SERPINB5: variants seen among roughly 807,000 people sequenced by gnomAD.
SERPINB5 encodes serpin B5.
A neutral mutation model predicts 32.2 loss-of-function variants in SERPINB5; 27 were observed. That is an observed-to-expected ratio of 0.84 (90% confidence interval 0.62 to 1.16). SERPINB5 has a LOEUF of 1.16. Ranked by LOEUF, SERPINB5 falls within the 50% of genes most tolerant of loss-of-function variation. The pLI is 0.00. For synonymous variants in SERPINB5, 154 were observed against 157.4 expected (o/e 0.98, Z 0.16); for missense variants, 388 against 436.3 (o/e 0.89, Z 0.99).
At chr18:63,491,408 A>ACTCC (rs757436524) in intron 4 of SERPINB5, among the ~76,000 whole-genome samples, 1 of 107,792 alleles carries the variant, frequency 9.3e-6, no homozygotes, top group Non-Finnish European at 1.9e-5. Flanking sequence ...GTCTCCCAAA[A>ACTCC]AAAAAAAAAA....
At position 63,499,110 on chromosome 18, in the gene SERPINB5, C is replaced by A; in HGVS notation, c.568-10C>A. On this transcript the variant is annotated splice_polypyrimidine_tract_variant and intron_variant, in intron 5 of 6. Coordinates refer to ENST00000382771, the MANE Select transcript of SERPINB5 (RefSeq NM_002639.5). ...TGAAAAGTAAGCAGTCCAAATTTTC[C>A]CTTTTACAGACAGACACCAAACCAG... is the stretch of plus-strand genomic sequence containing the variant. The A allele has an allele frequency of 7.0e-7, 1 of 1,431,750 alleles. No homozygotes were observed. The highest frequency in any genetic ancestry group is 9.2e-7 in the Non-Finnish European group (1 of 1,083,690). The allele number at this position is 1,431,750 out of a possible 1,614,324, so 88.7% of individuals were successfully genotyped here.
At chr18:63,489,833 G>A (rs1014548544) in intron 4 of SERPINB5, among the ~76,000 whole-genome samples, 7 of 152,134 alleles carry the variant, frequency 4.6e-5, no homozygotes, top group African/African-American at 9.7e-5. Context: ...CATGATCCCC[G>A]AGGCCCCTTT....
At chr18:63,485,728 C>G (rs923357621) in intron 2 of SERPINB5, 7 of 152,454 alleles carry the variant, frequency 4.6e-5, no homozygotes, top group African/African-American at 1.7e-4. Context: ...ACTGGTTCCC[C>G]AGCAGTAGTT....
At chr18:63,501,259 GTTC>G (rs927502792) in intron 6 of SERPINB5, among the ~76,000 whole-genome samples, 13 of 145,026 alleles carry the variant, frequency 9.0e-5, no homozygotes, top group Non-Finnish European at 1.5e-5. Context: ...TGTTCTCATG[GTTC>G]AATTCCCACC....
chr18:63,493,516 C>T (rs1014444181), intron 5 of SERPINB5: 5 of 352,274 alleles, frequency 1.4e-5, no homozygotes, highest in East Asian at 4.9e-5. Flanking sequence ...ATTTCCTTAT[C>T]GGTTGATAGC....
At chr18:63,495,851 A>C (rs4941203) in intron 5 of SERPINB5, among the ~76,000 whole-genome samples, 82,743 of 152,022 alleles carry the variant, frequency 0.54, 23,080 homozygotes, top group Non-Finnish European at 0.62. Context: ...GCATGAGGCT[A>C]CACCCTTCTT....
intron 1 of SERPINB5, 153 bp downstream of exon 1, chr18:63,477,198 C>G (rs1324420575): frequency 6.6e-6 from 1 of 152,058 alleles, no homozygotes; most frequent in Non-Finnish European, 1.5e-5. Flanking sequence ...TGAGTACTGT[C>G]GCCTCTCATC....
At chr18:63,493,151 A>G (rs1447488851) in intron 5 of SERPINB5, 56 bp downstream of exon 5, 7 of 1,610,864 alleles carry the variant, frequency 4.3e-6, no homozygotes, top group African/African-American at 1.3e-5. Flanking sequence ...GTGAAAAATG[A>G]TAGGGACAGA....
chr18:63,487,140 A>T, intron 3 of SERPINB5, 57 bp downstream of exon 3: 1 of 1,564,676 alleles, frequency 6.4e-7, no homozygotes, highest in South Asian at 1.2e-5. Context: ...TGGCATTTTC[A>T]TGCTGTTAGA....
intron 5 of SERPINB5, among the ~76,000 whole-genome samples, chr18:63,494,464 G>C (rs749952800): frequency 5.3e-5 from 8 of 152,104 alleles, no homozygotes; most frequent in Admixed American, 2.6e-4. Context: ...TCCGTGGGTG[G>C]GATCTGACTT....
Position 63,503,509 on chromosome 18 carries a change from T to C in SERPINB5, c.915T>C (p.Ser305=). The C allele has an allele frequency of 6.2e-7, 1 of 1,614,232 alleles. No homozygotes were observed. Among genetic ancestry groups the C allele is most frequent in the South Asian group, 1.1e-5 (1 of 91,088 alleles). ...HIFSEDTSDF[S]GMSETKGVAL... is the part of the protein sequence containing the mutation. ...TCAGTGAAGACACATCTGATTTCTC[T>C]GGAATGTCAGAGACCAAGGGAGTGG... Residue 305 remains serine (S), a synonymous_variant, in exon 7 of 7, where the codon TCT becomes TCC. Coordinates refer to ENST00000382771, the MANE Select transcript of SERPINB5 (RefSeq NM_002639.5).
intron 1 of SERPINB5, among the ~76,000 whole-genome samples, chr18:63,482,264 C>A (rs1024097921): frequency 2.0e-5 from 3 of 152,146 alleles, no homozygotes; most frequent in Non-Finnish European, 2.9e-5. Flanking sequence ...GTGCAAATTG[C>A]AATCCTATTC....
Position 63,499,271 on chromosome 18 carries a change from C to G in SERPINB5, c.719C>G (p.Ser240Cys). Reference sequence around the variant, plus strand: ...CTACCCAAGGATGTGGAGGATGAGTCCACAGGCTTGGAGAAGGTAAGGAGA... The same window carrying G: ...CTACCCAAGGATGTGGAGGATGAGTGCACAGGCTTGGAGAAGGTAAGGAGA... ...ILLPKDVEDE[S>C]TGLEKIEKQL... is the part of the protein sequence containing the mutation. The change falls in exon 6 of 7, where the codon TCC (serine) becomes TGC (cysteine). Residue 240 changes from serine (S) to cysteine (C), a missense_variant. By Grantham distance (112) the Ser-to-Cys change is moderately radical (BLOSUM62 -1). Transcript: ENST00000382771. 1.3e-6 allele frequency: 2 copies of G among 1,581,446 alleles called. No homozygotes were observed. Among genetic ancestry groups the G allele is most frequent in the South Asian group, 2.3e-5 (2 of 85,754 alleles).
chr18:63,484,652 T>C (rs925522409), intron 2 of SERPINB5, 56 bp downstream of exon 2: 3 of 1,502,228 alleles, frequency 2.0e-6, no homozygotes, highest in Non-Finnish European at 1.8e-6. Context: ...TTAGAACCCA[T>C]AGGCAGTGCC....
intron 4 of SERPINB5, among the ~76,000 whole-genome samples, chr18:63,492,149 G>A (rs1308502623): frequency 6.6e-6 from 1 of 152,224 alleles, no homozygotes; most frequent in Non-Finnish European, 1.5e-5. Flanking sequence ...AATGTGAGGA[G>A]TTCTTTTTAT....
intron 6 of SERPINB5, among the ~76,000 whole-genome samples, chr18:63,500,132 A>G (rs934657939): frequency 2.2e-4 from 34 of 151,830 alleles, no homozygotes; most frequent in Admixed American, 5.9e-4. Context: ...CAGTGGCATG[A>G]TGGTAGCTCA....
chr18:63,481,427 C>CA, intron 1 of SERPINB5, among the ~76,000 whole-genome samples: 1 of 152,288 alleles, frequency 6.6e-6, no homozygotes, highest in East Asian at 1.9e-4. Flanking sequence ...CAAAATTATT[C>CA]TAGTTTCTCT....
chr18:63,479,241 A>G (rs1259356291), intron 1 of SERPINB5, among the ~76,000 whole-genome samples: 2 of 152,228 alleles, frequency 1.3e-5, no homozygotes, highest in Non-Finnish European at 2.9e-5. Context: ...GACAACAGAC[A>G]TAAACCAGGA....
Position 63,503,796 on chromosome 18 carries a change from T to C in SERPINB5, c.*74T>C, listed in dbSNP as rs1327588080. The C allele has an allele frequency of 3.3e-5, 48 of 1,454,288 alleles. No homozygotes were observed. Among genetic ancestry groups the C allele is most frequent in the Non-Finnish European group, 4.4e-5 (46 of 1,053,370 alleles). The allele number at this position is 1,454,288 out of a possible 1,614,324, so 90.1% of individuals were successfully genotyped here. ...TTTCTGTAAACTCTGCATCCAGAGATTCATTTTCTAGATACAATAAATTGC... is the reference window on the plus strand; with the variant it reads ...TTTCTGTAAACTCTGCATCCAGAGACTCATTTTCTAGATACAATAAATTGC... On this transcript the variant is annotated 3_prime_UTR_variant, in exon 7 of 7. Coordinates refer to ENST00000382771, the MANE Select transcript of SERPINB5 (RefSeq NM_002639.5).
Sources: gnomAD v4.1 joint callset for allele counts (sites outside exome capture counted in the v4.1 genomes callset) on GRCh38, gnomAD v4.1.1 for gene constraint, MANE v1.5 for transcripts, NCBI Gene and HGNC (gene_info 2026-07-23, HGNC 2026-07-21) for gene names.